Variants in PTPN2 observed in about 807,000 individuals in gnomAD.
PTPN2 encodes the protein tyrosine-protein phosphatase non-receptor type 2.
Under a neutral mutation model 57.3 loss-of-function variants are expected in PTPN2, and 19 were observed. The ratio of observed to expected loss-of-function variants is 0.33; its 90% CI spans 0.23 to 0.49. The LOEUF (loss-of-function observed/expected upper bound fraction) is 0.49. PTPN2 is among the 20% of genes least tolerant of loss of function. The pLI, the probability that PTPN2 is intolerant of heterozygous loss-of-function variation, is 0.99. For synonymous variants in PTPN2, 153 were observed against 164.9 expected (o/e 0.93, Z 0.55); for missense variants, 358 against 501.1 (o/e 0.71, Z 2.73).
chr18:12,816,253 T>C (rs555162663), intron 6 of PTPN2, among the ~76,000 whole-genome samples: 5 of 152,224 alleles, frequency 3.3e-5, no homozygotes, highest in South Asian at 4.1e-4. Context: ...TGAGCAGTGA[T>C]TGCACCATTG....
chr18:12,807,784 G>A (rs923261676), intron 7 of PTPN2, among the ~76,000 whole-genome samples: 1 of 151,530 alleles, frequency 6.6e-6, no homozygotes, highest in Non-Finnish European at 1.5e-5. Flanking sequence ...CCTACTGGAG[G>A]CTTCGCAGAG....
intron 1 of PTPN2, among the ~76,000 whole-genome samples, chr18:12,860,663 G>C (rs1366706445): frequency 6.6e-6 from 1 of 152,198 alleles, no homozygotes. Context: ...TCAGGAGGCT[G>C]AGGCATGAGA....
intron 8 of PTPN2, among the ~76,000 whole-genome samples, chr18:12,799,585 T>C (rs1298742084): frequency 6.9e-6 from 1 of 145,866 alleles, no homozygotes; most frequent in Non-Finnish European, 1.5e-5. Flanking sequence ...GCTCTTCTTT[T>C]ACATTTTTTT....
chr18:12,870,119 C>CAG (rs2044136510), intron 1 of PTPN2, among the ~76,000 whole-genome samples: 1 of 150,514 alleles, frequency 6.6e-6, no homozygotes, highest in Admixed American at 6.7e-5. Flanking sequence ...CTGAACCCTA[C>CAG]TGTGTGTCAG....
chr18:12,882,260 T>G (rs2044689324), intron 1 of PTPN2, among the ~76,000 whole-genome samples: 1 of 152,218 alleles, frequency 6.6e-6, no homozygotes, highest in Non-Finnish European at 1.5e-5. Context: ...TGGTCTTGTT[T>G]TCAACTAGGA....
intron 4 of PTPN2, among the ~76,000 whole-genome samples, chr18:12,826,441 AT>A (rs1237760878): frequency 3.3e-5 from 5 of 152,092 alleles, no homozygotes; most frequent in African/African-American, 7.2e-5. Flanking sequence ...TTTATAAAGC[AT>A]TTTTTATGTG....
intron 7 of PTPN2, among the ~76,000 whole-genome samples, chr18:12,807,596 TATATATATA>T (rs1476517330): frequency 2.3e-5 from 2 of 85,658 alleles, no homozygotes; most frequent in East Asian, 9.7e-4. Flanking sequence ...AATATATATA[TATATATATA>T]ATATAATACT....
At chr18:12,864,950 T>A (rs1336779048) in intron 1 of PTPN2, among the ~76,000 whole-genome samples, 6 of 130,130 alleles carry the variant, frequency 4.6e-5, no homozygotes, top group Admixed American at 1.8e-4. Flanking sequence ...TGTGCCTAAA[T>A]GGTACTGTTT....
intron 7 of PTPN2, among the ~76,000 whole-genome samples, chr18:12,804,288 T>TAAAAA (rs1568087931): frequency 1.3e-4 from 1 of 7,618 alleles, no homozygotes. Context: ...TGAAACTGTC[T>TAAAAA]CAAAAAAAAA....
intron 8 of PTPN2, among the ~76,000 whole-genome samples, chr18:12,799,186 A>C (rs1438979657): frequency 6.6e-6 from 1 of 152,088 alleles, no homozygotes; most frequent in Non-Finnish European, 1.5e-5. Flanking sequence ...TGGGAGGCTG[A>C]GGCGGGAGGA....
Position 12,814,911 on chromosome 18 carries a change from C to T in PTPN2, c.706-556G>A, listed in dbSNP as rs148042902. On this transcript the variant is annotated intron_variant, in intron 6 of 8. Transcript: ENST00000309660. The stretch of plus-strand genomic sequence containing the variant: ...CCAGCCTGGCCAACATCGCGAAATG[C>T]CATCTCTACTAAAAATACAAAAATT... Among the ~76,000 whole-genome samples the T allele has an allele frequency of 2.6e-3, 392 of 151,716 alleles. 9 individuals carry two copies. The highest frequency in any genetic ancestry group is 0.023 in the East Asian group (120 of 5,126).
At chr18:12,849,446 C>T (rs1046115756) in intron 2 of PTPN2, among the ~76,000 whole-genome samples, 3 of 152,174 alleles carry the variant, frequency 2.0e-5, no homozygotes, top group African/African-American at 7.2e-5. Context: ...GTAATACAAA[C>T]TACTTGGGAG....
chr18:12,867,029 C>CAAAAAAAA (rs71174146), intron 1 of PTPN2, among the ~76,000 whole-genome samples: 1 of 133,346 alleles, frequency 7.5e-6, no homozygotes. Context: ...AACAAACAAA[C>CAAAAAAAA]AAAAAAAAAA....
chr18:12,821,159 A>G (rs1279664469), intron 5 of PTPN2, among the ~76,000 whole-genome samples: 3 of 152,200 alleles, frequency 2.0e-5, no homozygotes, highest in Non-Finnish European at 4.4e-5. Flanking sequence ...TTTTGTTTCT[A>G]AAAGACTTTC....
rs552253449 is a variant in PTPN2 at position 12,844,208 on chromosome 18, T to C, written c.161-7317A>G. ...TGAAGGACATGTGGGTTGTTTCGAA[T>C]CTGGGGCTACTACAGATAAAGCTGC... is the stretch of plus-strand genomic sequence containing the variant. On this transcript the variant is annotated intron_variant, in intron 2 of 8. Coordinates refer to ENST00000309660, the MANE Select transcript of PTPN2 (RefSeq NM_002828.4). Among the ~76,000 whole-genome samples the C allele has an allele frequency of 3.3e-5, 5 of 152,368 alleles. No individual in the cohort carries two copies. In the South Asian group the frequency reaches 6.2e-4, roughly 19 times the overall value.
chr18:12,844,969 A>G (rs747924775), intron 2 of PTPN2, among the ~76,000 whole-genome samples: 1 of 152,174 alleles, frequency 6.6e-6, no homozygotes, highest in Non-Finnish European at 1.5e-5. Flanking sequence ...TCAGTTCACC[A>G]TATTTTTACA....
At chr18:12,881,449 C>A (rs967444700) in intron 1 of PTPN2, among the ~76,000 whole-genome samples, 2 of 152,128 alleles carry the variant, frequency 1.3e-5, no homozygotes, top group Admixed American at 6.5e-5. Flanking sequence ...AAAAAAGAAG[C>A]AAATATGATC....
At chr18:12,812,390 AG>A (rs1205652326) in intron 7 of PTPN2, among the ~76,000 whole-genome samples, 2 of 152,236 alleles carry the variant, frequency 1.3e-5, no homozygotes, top group African/African-American at 2.4e-5. Context: ...ACTTGAGGTC[AG>A]GAGTTCGAGA....
chr18:12,794,673 G>A (rs527488364), intron 8 of PTPN2, among the ~76,000 whole-genome samples, 188 bp from the exon 9 acceptor site: 4 of 152,212 alleles, frequency 2.6e-5, no homozygotes, highest in Admixed American at 6.5e-5. Flanking sequence ...CCAGCCTGGA[G>A]TGCAGTGGTA....
Sources: allele counts gnomAD v4.1 joint callset (sites outside exome capture counted in the v4.1 genomes callset), GRCh38; gene constraint gnomAD v4.1.1; transcripts MANE v1.5; gene names NCBI Gene and HGNC (gene_info 2026-07-23, HGNC 2026-07-21).